The following PLXNA4 variants were observed in gnomAD, a reference collection of about 807,000 sequenced individuals.
PLXNA4 encodes plexin A4.
PLXNA4 carries 44 observed loss-of-function variants against 191.8 expected under a neutral mutation model. The ratio of observed to expected loss-of-function variants is 0.23; its 90% CI spans 0.18 to 0.29. PLXNA4 has a LOEUF of 0.29. Ranked by LOEUF, PLXNA4 falls within the 10% of genes least tolerant of loss-of-function variation. PLXNA4 has a pLI of 1.00. For missense variants in PLXNA4, 1,800 were observed against 2,488.8 expected (o/e 0.72, Z 5.89); for synonymous variants, 1,082 against 1,009.5 (o/e 1.07, Z -1.36).
rs1380076476 is a variant in PLXNA4, at chr7:132,221,668, A to G, written c.2097+1859T>C. 2.0e-5 allele frequency among the ~76,000 whole-genome samples: 3 copies of G among 152,192 alleles called. No individual in the cohort carries two copies. In the South Asian group the frequency reaches 6.2e-4, roughly 32 times the overall value. ...CTTTGTTAAAGTAGAGAACTGACAC[A>G]TAAGTATGAGATTCACACTCTTACA... is the stretch of plus-strand genomic sequence containing the variant. On this transcript the variant is annotated intron_variant, in intron 9 of 31. Coordinates refer to ENST00000321063, the MANE Select transcript of PLXNA4 (RefSeq NM_020911.2).
rs547765362 is a variant in PLXNA4, at chr7:132,378,638, T to C, written c.1372-80416A>G. On this transcript the variant is annotated intron_variant, in intron 3 of 31. Transcript: ENST00000321063. Reference sequence around the variant, plus strand: ...ATTAACTTCCTCCTGTCATTTCACCTAGGTCTGTGATCTCTCCTGCGCAAA... The same window carrying C: ...ATTAACTTCCTCCTGTCATTTCACCCAGGTCTGTGATCTCTCCTGCGCAAA... 3.3e-5 allele frequency among the ~76,000 whole-genome samples: 5 copies of C among 152,298 alleles called. No homozygotes were observed. The East Asian group carries it at 7.7e-4, about 24-fold the overall frequency.
intron 2 of PLXNA4, among the ~76,000 whole-genome samples, chr7:132,500,529 C>T (rs770514277): frequency 3.9e-5 from 6 of 152,068 alleles, no homozygotes; most frequent in Non-Finnish European, 7.4e-5. Flanking sequence ...TGGAGCACAT[C>T]CTAGGGCCTG....
intron 13 of PLXNA4, among the ~76,000 whole-genome samples, chr7:132,196,963 T>C (rs1020242030): frequency 6.6e-6 from 1 of 152,194 alleles, no homozygotes; most frequent in Non-Finnish European, 1.5e-5. Context: ...GAAAAAGTAT[T>C]TATTAACTGT....
At chr7:132,360,671 G>A (rs943441596) in intron 3 of PLXNA4, among the ~76,000 whole-genome samples, 13 of 152,336 alleles carry the variant, frequency 8.5e-5, no homozygotes, top group African/African-American at 3.1e-4. Flanking sequence ...ACCCCCCATA[G>A]AGTTGTTGCA....
chr7:132,483,262 C>T (rs891295945), intron 3 of PLXNA4, among the ~76,000 whole-genome samples: 9 of 152,188 alleles, frequency 5.9e-5, no homozygotes, highest in African/African-American at 1.4e-4. Context: ...GCTCTACCCT[C>T]GCTAGGAGTC....
chr7:132,310,876 C>T (rs1490143198), intron 3 of PLXNA4, among the ~76,000 whole-genome samples: 1 of 152,050 alleles, frequency 6.6e-6, no homozygotes, highest in African/African-American at 2.4e-5. Flanking sequence ...AAGAACAGCC[C>T]ATGTTCACCT....
chr7:132,431,554 T>C (rs1795262490), intron 3 of PLXNA4, among the ~76,000 whole-genome samples: 2 of 152,190 alleles, frequency 1.3e-5, no homozygotes, highest in African/African-American at 4.8e-5. Context: ...AGAAGTTAAA[T>C]GCCTTCTTTC....
rs547037129 is a variant in PLXNA4, at chr7:132,408,237, C to T, written c.1371+81055G>A. ...AAAAGTGGGGAAGTTAGTTGAGTTA[C>T]AAGGTTCACTGAATAGGCAGGAAAA... On this transcript the variant is annotated intron_variant, in intron 3 of 31. Transcript: ENST00000321063. 4.6e-5 allele frequency among the ~76,000 whole-genome samples: 7 copies of T among 152,046 alleles called. 1 individual carries two copies. In the South Asian group the frequency reaches 1.5e-3, roughly 32 times the overall value.
rs1802227261 is a variant in PLXNA4, at chr7:132,576,245, G to C, written c.-87+177C>G. 6.6e-6 allele frequency among the ~76,000 whole-genome samples: 1 copy of C among 152,204 alleles called. No homozygotes were observed. The highest frequency in any genetic ancestry group is 2.4e-5 in the African/African-American group (1 of 41,458). On this transcript the variant is annotated intron_variant, in intron 1 of 31. Coordinates refer to ENST00000321063, the MANE Select transcript of PLXNA4 (RefSeq NM_020911.2). The surrounding 1 kb of genome is among the most constrained non-coding windows in gnomAD (Gnocchi z 5.8). ...CGGGCGTCCAGGTGGGACGTGGGCA[G>C]GTGCGCGAGCGCCGTGTGTGCCGGT...
Position 132,246,158 on chromosome 7 carries a change from G to T in PLXNA4, c.1504-4992C>A, listed in dbSNP as rs1225540608. Among the ~76,000 whole-genome samples the T allele has an allele frequency of 2.0e-5, 3 of 152,132 alleles. No individual in the cohort carries two copies. In the East Asian group the frequency reaches 5.8e-4, roughly 29 times the overall value. On this transcript the variant is annotated intron_variant, in intron 4 of 31. Coordinates refer to ENST00000321063, the MANE Select transcript of PLXNA4 (RefSeq NM_020911.2). ...GACTTGACAAATTATTTCATCTTCGGCATGGCAGCATGGATATGAAAACAC... is the reference window on the plus strand; with the variant it reads ...GACTTGACAAATTATTTCATCTTCGTCATGGCAGCATGGATATGAAAACAC...
At chr7:132,343,442 T>C (rs1803116806) in intron 3 of PLXNA4, among the ~76,000 whole-genome samples, 1 of 152,254 alleles carries the variant, frequency 6.6e-6, no homozygotes, top group South Asian at 2.1e-4. Context: ...CCATTCTAGT[T>C]TCTGTCTGGA....
At chr7:132,456,627 G>A (rs1796324968) in intron 3 of PLXNA4, among the ~76,000 whole-genome samples, 1 of 152,068 alleles carries the variant, frequency 6.6e-6, no homozygotes, top group Non-Finnish European at 1.5e-5. Flanking sequence ...CGACTCAGCT[G>A]CGAACCGGCA....
intron 3 of PLXNA4, among the ~76,000 whole-genome samples, chr7:132,349,965 A>G (rs1333804007): frequency 6.6e-6 from 1 of 152,058 alleles, no homozygotes; most frequent in Non-Finnish European, 1.5e-5. Context: ...ATGGAGGCAT[A>G]CACATTAGGA....
intron 9 of PLXNA4, among the ~76,000 whole-genome samples, chr7:132,216,830 C>G (rs1413161888): frequency 2.0e-5 from 3 of 152,256 alleles, no homozygotes; most frequent in Non-Finnish European, 2.9e-5. Flanking sequence ...CCAGCTTCCA[C>G]CCAAAACTCC....
At chr7:132,422,896 C>T (rs917787258) in intron 3 of PLXNA4, among the ~76,000 whole-genome samples, 10 of 152,198 alleles carry the variant, frequency 6.6e-5, no homozygotes, top group African/African-American at 1.2e-4. Context: ...CCTAGCACCT[C>T]GGGAAACCTC....
chr7:132,587,953 A>T (rs1243894360), intron 2 of PLXNA4, among the ~76,000 whole-genome samples: 2 of 150,324 alleles, frequency 1.3e-5, no homozygotes, highest in Non-Finnish European at 3.0e-5. Flanking sequence ...CACTCCCCAG[A>T]GTTCCTGGTC....
chr7:132,141,824 G>A (rs1407166835), intron 29 of PLXNA4, among the ~76,000 whole-genome samples: 3 of 152,020 alleles, frequency 2.0e-5, no homozygotes, highest in African/African-American at 4.8e-5. Context: ...CTGCCTCCTG[G>A]GTTCAAGCGA....
At chr7:132,391,537 T>C (rs1046789593) in intron 3 of PLXNA4, among the ~76,000 whole-genome samples, 1 of 152,148 alleles carries the variant, frequency 6.6e-6, no homozygotes, top group African/African-American at 2.4e-5. Context: ...AGAATGGGGA[T>C]GTTTATTGGA....
chr7:132,169,128 G>A (rs1487848128), intron 21 of PLXNA4, among the ~76,000 whole-genome samples: 8 of 152,174 alleles, frequency 5.3e-5, no homozygotes, highest in South Asian at 2.1e-4. Context: ...TTCCTTCTCT[G>A]GGGGCCCAAG....
Sources: allele counts gnomAD v4.1 joint callset (sites outside exome capture counted in the v4.1 genomes callset), GRCh38; gene constraint gnomAD v4.1.1; non-coding constraint Gnocchi (gnomAD v3.1); transcripts MANE v1.5; gene names NCBI Gene and HGNC (gene_info 2026-07-23, HGNC 2026-07-21).